Variants in SCAPER observed in about 807,000 individuals in gnomAD.
SCAPER encodes S phase cyclin A-associated protein in the endoplasmic reticulum.
SCAPER carries 98 observed loss-of-function variants against 182.2 expected under a neutral mutation model. The observed-to-expected ratio is 0.54, with a 90% confidence interval of 0.46 to 0.64. The LOEUF is 0.64. SCAPER is among the 30% of genes least tolerant of loss of function. The pLI is 0.00. For synonymous variants in SCAPER, 605 were observed against 564.6 expected (o/e 1.07, Z -1.01); for missense variants, 1,432 against 1,690.0 (o/e 0.85, Z 2.68).
At chr15:76,482,450 T>C (rs1027236016) in intron 24 of SCAPER, among the ~76,000 whole-genome samples, 1 of 152,064 alleles carries the variant, frequency 6.6e-6, no homozygotes, top group African/African-American at 2.4e-5. Context: ...ACCAGATCTT[T>C]CCCCCCAAGA....
At chr15:76,698,395 T>C (rs1442435330) in intron 20 of SCAPER, among the ~76,000 whole-genome samples, 1 of 152,200 alleles carries the variant, frequency 6.6e-6, no homozygotes, top group East Asian at 1.9e-4. Context: ...TGGAGACTTT[T>C]AATTATAGCT....
intron 15 of SCAPER, among the ~76,000 whole-genome samples, chr15:76,734,794 C>T (rs900667558): frequency 6.6e-6 from 1 of 152,000 alleles, no homozygotes; most frequent in African/African-American, 2.4e-5. Flanking sequence ...ACTGCTTGAA[C>T]CCGGGAGGTA....
At chr15:76,482,630 G>A (rs78755634) in intron 24 of SCAPER, among the ~76,000 whole-genome samples, 3 of 152,026 alleles carry the variant, frequency 2.0e-5, no homozygotes, top group Non-Finnish European at 4.4e-5. Context: ...AAGCCTCCTC[G>A]AATGAATAAG....
intron 17 of SCAPER, among the ~76,000 whole-genome samples, chr15:76,715,017 C>G (rs527540353): frequency 1.3e-5 from 2 of 152,220 alleles, no homozygotes; most frequent in South Asian, 4.1e-4. Context: ...CCCAGCTGAA[C>G]TGCTGCTATA....
rs183829051 is a variant in SCAPER, at chr15:76,440,751, A to T, written c.3079-6441T>A. Among the ~76,000 whole-genome samples the T allele has an allele frequency of 2.4e-4, 36 of 152,250 alleles. No homozygotes were observed. The Middle Eastern group carries it at 0.01, about 43-fold the overall frequency. The stretch of plus-strand genomic sequence containing the variant: ...AACAGTCTTTTTGCCACTGATATTT[A>T]TAAAACGTGTATGCCCATGTTATAT... On this transcript the variant is annotated intron_variant, in intron 25 of 31. Transcript: ENST00000563290.
intron 26 of SCAPER, among the ~76,000 whole-genome samples, chr15:76,428,081 C>A (rs1279305194): frequency 6.6e-6 from 1 of 152,030 alleles, no homozygotes; most frequent in Non-Finnish European, 1.5e-5. Flanking sequence ...GCCTGGGCAA[C>A]AGTGTCTCAA....
chr15:76,506,481 T>C (rs2041593330), intron 23 of SCAPER, among the ~76,000 whole-genome samples: 1 of 152,046 alleles, frequency 6.6e-6, no homozygotes, highest in Non-Finnish European at 1.5e-5. Flanking sequence ...ATTTTAATTA[T>C]AAGTACCTTG....
intron 24 of SCAPER, among the ~76,000 whole-genome samples, chr15:76,478,303 T>C (rs921983928): frequency 5.9e-5 from 9 of 152,090 alleles, no homozygotes; most frequent in East Asian, 1.9e-4. Flanking sequence ...ATTATAAATA[T>C]GACAAATGGT....
At chr15:76,674,170 G>A (rs981296841) in intron 20 of SCAPER, among the ~76,000 whole-genome samples, 7 of 152,122 alleles carry the variant, frequency 4.6e-5, no homozygotes, top group African/African-American at 1.7e-4. Flanking sequence ...AAAATGAAAT[G>A]CAGAACTGGA....
At chr15:76,650,395 T>C (rs1280376060) in intron 21 of SCAPER, among the ~76,000 whole-genome samples, 1 of 151,906 alleles carries the variant, frequency 6.6e-6, no homozygotes, top group African/African-American at 2.4e-5. Context: ...GAGTAGGTTT[T>C]AGGATAAAGA....
At chr15:76,706,544 G>A (rs941087525) in intron 17 of SCAPER, among the ~76,000 whole-genome samples, 2 of 152,110 alleles carry the variant, frequency 1.3e-5, no homozygotes, top group African/African-American at 4.8e-5. Context: ...TCAGCAGACT[G>A]GGAAGGCCTT....
At chr15:76,417,808 A>G (rs1187392706) in intron 26 of SCAPER, among the ~76,000 whole-genome samples, 1 of 152,168 alleles carries the variant, frequency 6.6e-6, no homozygotes, top group Non-Finnish European at 1.5e-5. Context: ...TCACGAGGTC[A>G]AGAGATCGAG....
chr15:76,350,952 A>G (rs2040503729), intron 31 of SCAPER: 1 of 262,654 alleles, frequency 3.8e-6, no homozygotes, highest in Admixed American at 5.3e-5. Flanking sequence ...CTCTTTAGTA[A>G]TTATTTACCA....
intron 23 of SCAPER, among the ~76,000 whole-genome samples, chr15:76,551,085 T>C (rs1412875166): frequency 6.6e-6 from 1 of 151,972 alleles, no homozygotes; most frequent in African/African-American, 2.4e-5. Flanking sequence ...TGTAGAGAAA[T>C]GGGAACACTT....
intron 21 of SCAPER, 114 bp downstream of exon 21, chr15:76,665,539 T>A: frequency 7.8e-7 from 1 of 1,281,824 alleles, no homozygotes; most frequent in Non-Finnish European, 1.0e-6. Context: ...TCAGTGTTAT[T>A]TCCAAGGCTT....
intron 10 of SCAPER, among the ~76,000 whole-genome samples, chr15:76,769,710 G>A (rs1268125477): frequency 1.3e-5 from 2 of 152,170 alleles, no homozygotes; most frequent in African/African-American, 4.8e-5. Context: ...CTTTTACACT[G>A]TTGGTGGGAG....
chr15:76,435,201 G>C (rs1454958054), intron 25 of SCAPER, among the ~76,000 whole-genome samples: 1 of 152,180 alleles, frequency 6.6e-6, no homozygotes, highest in African/African-American at 2.4e-5. Context: ...ATCCTATCAT[G>C]TACTTGGAAA....
intron 21 of SCAPER, among the ~76,000 whole-genome samples, chr15:76,655,951 CAA>C (rs1326909171): frequency 6.6e-6 from 1 of 152,076 alleles, no homozygotes; most frequent in East Asian, 1.9e-4. Context: ...AACAAACAAA[CAA>C]AGACACTTAA....
chr15:76,835,155 A>T (rs1162077657), intron 5 of SCAPER, among the ~76,000 whole-genome samples: 8 of 152,112 alleles, frequency 5.3e-5, no homozygotes, highest in Admixed American at 2.0e-4. Context: ...CTGAGAACCA[A>T]ATCAAGAACA....
Sources: gnomAD v4.1 joint callset for allele counts (sites outside exome capture counted in the v4.1 genomes callset) on GRCh38, gnomAD v4.1.1 for gene constraint, MANE v1.5 for transcripts, NCBI Gene and HGNC (gene_info 2026-07-23, HGNC 2026-07-21) for gene names.